The following FHIP1A variants were observed in gnomAD, a reference collection of about 807,000 sequenced individuals.
FHIP1A encodes FHF complex subunit HOOK interacting protein 1A, also known as FHF complex subunit HOOK-interacting protein 1A.
Under a neutral mutation model 88.6 loss-of-function variants are expected in FHIP1A, and 61 were observed. That is an observed-to-expected ratio of 0.69 (90% CI 0.56 to 0.85). The LOEUF is 0.85. FHIP1A is among the 40% of genes least tolerant of loss of function. FHIP1A has a pLI of 0.00. For missense variants in FHIP1A, 1,154 were observed against 1,273.5 expected (o/e 0.91, Z 1.43); for synonymous variants, 478 against 496.0 (o/e 0.96, Z 0.48).
chr4:151,591,692 C>T (rs1192688790), intron 7 of FHIP1A, among the ~76,000 whole-genome samples: 2 of 152,160 alleles, frequency 1.3e-5, no homozygotes, highest in African/African-American at 2.4e-5. Flanking sequence ...TGAGTGAGAA[C>T]ATGCGGTGTT....
At chr4:151,618,397 G>A (rs1294063756) in intron 7 of FHIP1A, among the ~76,000 whole-genome samples, 1 of 152,170 alleles carries the variant, frequency 6.6e-6, no homozygotes, top group Non-Finnish European at 1.5e-5. Context: ...TCATGATTTG[G>A]AAAGAAATGT....
chr4:151,643,555 A>G (rs908372398), intron 9 of FHIP1A, among the ~76,000 whole-genome samples: 2 of 152,150 alleles, frequency 1.3e-5, no homozygotes, highest in Non-Finnish European at 2.9e-5. Flanking sequence ...CTAGCACTCT[A>G]TCTAGCTGTA....
At chr4:151,548,902 T>G (rs1338517883) in intron 3 of FHIP1A, among the ~76,000 whole-genome samples, 2 of 152,188 alleles carry the variant, frequency 1.3e-5, no homozygotes, top group African/African-American at 4.8e-5. Context: ...AAGGCAACTT[T>G]TACTTTCTGC....
At chr4:151,524,679 A>C (rs2053566) in intron 3 of FHIP1A, among the ~76,000 whole-genome samples, 78,986 of 152,012 alleles carry the variant, frequency 0.52, 20,829 homozygotes, top group African/African-American at 0.55. Context: ...CTAAAGGTTG[A>C]AGCACTTTAT....
chr4:151,454,313 A>G (rs189614978), intron 1 of FHIP1A, among the ~76,000 whole-genome samples: 9 of 152,314 alleles, frequency 5.9e-5, no homozygotes, highest in Middle Eastern at 6.8e-3. Flanking sequence ...GGTGTGAAAG[A>G]CAGGCAGCCA....
At chr4:151,546,399 C>G (rs1732504896) in intron 3 of FHIP1A, among the ~76,000 whole-genome samples, 1 of 152,222 alleles carries the variant, frequency 6.6e-6, no homozygotes, top group Non-Finnish European at 1.5e-5. Flanking sequence ...AGATGGACTC[C>G]TGTGGGACTT....
chr4:151,436,937 T>C (rs779430508), intron 1 of FHIP1A, among the ~76,000 whole-genome samples: 5 of 152,328 alleles, frequency 3.3e-5, no homozygotes, highest in Admixed American at 6.5e-5. Context: ...AGATTACTTA[T>C]AATACCTAAT....
chr4:151,662,351 G>A (rs1560829191), intron 13 of FHIP1A, 150 bp from the exon 14 acceptor site: 2 of 741,844 alleles, frequency 2.7e-6, no homozygotes, highest in East Asian at 5.9e-5. Flanking sequence ...AGTGCACAAG[G>A]GCTGCATCTT....
Position 151,578,064 on chromosome 4 carries a change from C to T in FHIP1A, c.720C>T (p.Thr240=), listed in dbSNP as rs1733874426. ...TMVAHHIVEN[T]YFCPVLATGL... is the part of the protein sequence containing the mutation. The stretch of plus-strand genomic sequence containing the variant: ...TGGCCCATCACATCGTGGAGAACAC[C>T]TACTTTTGTCCAGTAAGTCTCTTTC... Residue 240 remains threonine (T), a synonymous_variant, in exon 5 of 14, where the codon ACC becomes ACT. Transcript: ENST00000435205. 1.9e-6 allele frequency: 3 copies of T among 1,549,892 alleles called. No individual in the cohort carries two copies. The highest frequency in any genetic ancestry group is 2.6e-6 in the Non-Finnish European group (3 of 1,146,334).
At chr4:151,555,740 C>T (rs1037493975) in intron 3 of FHIP1A, among the ~76,000 whole-genome samples, 1 of 152,068 alleles carries the variant, frequency 6.6e-6, no homozygotes, top group Non-Finnish European at 1.5e-5. Flanking sequence ...ATATTAGTCA[C>T]TTTGATAGAC....
At chr4:151,566,435 T>C in intron 4 of FHIP1A, 71 bp downstream of exon 4, 1 of 820,302 alleles carries the variant, frequency 1.2e-6, no homozygotes. Flanking sequence ...TGAATCAGGG[T>C]TTTCTACCTC....
intron 7 of FHIP1A, among the ~76,000 whole-genome samples, chr4:151,599,918 G>T (rs991831387): frequency 6.6e-6 from 1 of 152,190 alleles, no homozygotes; most frequent in African/African-American, 2.4e-5. Flanking sequence ...ATGCATGGGG[G>T]CATTTCGGTC....
At chr4:151,507,144 GA>G (rs1456317140) in intron 3 of FHIP1A, among the ~76,000 whole-genome samples, 2 of 151,516 alleles carry the variant, frequency 1.3e-5, no homozygotes, top group Non-Finnish European at 2.9e-5. Flanking sequence ...TTTTTTTTGA[GA>G]TATGGTCTCA....
intron 7 of FHIP1A, among the ~76,000 whole-genome samples, chr4:151,607,138 C>T (rs1269894392): frequency 6.6e-6 from 1 of 152,188 alleles, no homozygotes; most frequent in Non-Finnish European, 1.5e-5. Flanking sequence ...CCAAGGGAGC[C>T]ATAATTAAGG....
intron 3 of FHIP1A, among the ~76,000 whole-genome samples, chr4:151,524,827 C>T (rs1480932241): frequency 1.3e-5 from 2 of 152,138 alleles, no homozygotes; most frequent in Non-Finnish European, 2.9e-5. Flanking sequence ...GCAGGGAGGA[C>T]AGCAGGAAAT....
At position 151,666,648 on chromosome 4, in the gene FHIP1A, C is replaced by G. The variant is rs988703650; in HGVS notation, c.*3894C>G. On this transcript the variant is annotated 3_prime_UTR_variant, in exon 14 of 14. Transcript: ENST00000435205. ...GGGTCGAAAGTTGTTTCCAGTGTCT[C>G]CAAATCAGCTTGGCTGTGGCCGTCA... Among the ~76,000 whole-genome samples, 2 of 152,172 alleles carry G rather than the reference C, an allele frequency of 1.3e-5. No homozygotes were observed. The highest frequency in any genetic ancestry group is 2.9e-5 in the Non-Finnish European group (2 of 68,046).
At chr4:151,484,485 G>A (rs1415412289) in intron 3 of FHIP1A, among the ~76,000 whole-genome samples, 1 of 152,182 alleles carries the variant, frequency 6.6e-6, no homozygotes, top group African/African-American at 2.4e-5. Flanking sequence ...GGTAGAGGGA[G>A]TAGCTTAGGT....
chr4:151,618,673 A>G (rs779361379), intron 7 of FHIP1A, among the ~76,000 whole-genome samples: 3 of 151,904 alleles, frequency 2.0e-5, no homozygotes, highest in Admixed American at 1.3e-4. Flanking sequence ...ACACATGTCA[A>G]CTCACTGCGG....
chr4:151,461,519 T>A (rs1210270572), intron 2 of FHIP1A, among the ~76,000 whole-genome samples: 1 of 152,164 alleles, frequency 6.6e-6, no homozygotes, highest in Non-Finnish European at 1.5e-5. Context: ...ATGATAAATG[T>A]TTGAGACGAT....
Sources: allele counts gnomAD v4.1 joint callset (sites outside exome capture counted in the v4.1 genomes callset), GRCh38; gene constraint gnomAD v4.1.1; transcripts MANE v1.5; gene names NCBI Gene and HGNC (gene_info 2026-07-23, HGNC 2026-07-21).